Variants in HYAL4 observed in about 807,000 individuals in gnomAD.
HYAL4 encodes hyaluronidase 4, also known as hyaluronidase-4.
HYAL4 carries 37 observed loss-of-function variants against 35.2 expected under a neutral mutation model. That is an observed-to-expected ratio of 1.05 (90% CI 0.81 to 1.38). HYAL4 has a LOEUF of 1.38. HYAL4 is among the 40% of genes most tolerant of loss of function. HYAL4 has a pLI of 0.00. For missense variants in HYAL4, 572 were observed against 572.4 expected (o/e 1.00, Z 0.01); for synonymous variants, 198 against 203.2 (o/e 0.97, Z 0.22).
the HYAL4 span, among the ~76,000 whole-genome samples, chr7:123,812,654 TA>T: frequency 2.0e-5 from 3 of 152,308 alleles, no homozygotes; most frequent in African/African-American, 7.2e-5. Flanking sequence ...TATGACATTT[TA>T]AAAAGGTGTT....
chr7:123,770,104 C>G, the HYAL4 span, among the ~76,000 whole-genome samples: 1 of 151,884 alleles, frequency 6.6e-6, no homozygotes, highest in Non-Finnish European at 1.5e-5. Flanking sequence ...CTACATTGTT[C>G]ATTTCATCAT....
chr7:123,791,107 T>C, the HYAL4 span, among the ~76,000 whole-genome samples: 16 of 152,180 alleles, frequency 1.1e-4, no homozygotes, highest in South Asian at 4.1e-4. Context: ...AATTCTGCTA[T>C]ATATTCTGTT....
upstream of HYAL4, among the ~76,000 whole-genome samples, chr7:123,824,559 C>T (rs925371409): frequency 6.6e-6 from 1 of 152,086 alleles, no homozygotes; most frequent in Admixed American, 6.6e-5. Flanking sequence ...AAACCCCCTT[C>T]TCCCCACAAC....
the HYAL4 span, among the ~76,000 whole-genome samples, chr7:123,799,580 G>A: frequency 6.6e-6 from 1 of 151,626 alleles, no homozygotes; most frequent in South Asian, 2.1e-4. Context: ...CCTGAGGTCA[G>A]GAGTTCAAGA....
At chr7:123,809,009 A>G in the HYAL4 span, among the ~76,000 whole-genome samples, 1 of 152,182 alleles carries the variant, frequency 6.6e-6, no homozygotes, top group Non-Finnish European at 1.5e-5. Context: ...AGGGGACACA[A>G]ATATTCAGAC....
the HYAL4 span, among the ~76,000 whole-genome samples, chr7:123,820,882 G>A: frequency 2.6e-5 from 4 of 152,028 alleles, no homozygotes; most frequent in Admixed American, 1.3e-4. Context: ...TAGATACCTC[G>A]TAAGTAGAAT....
chr7:123,768,754 T>G, the HYAL4 span, among the ~76,000 whole-genome samples: 3 of 152,194 alleles, frequency 2.0e-5, no homozygotes, highest in African/African-American at 7.2e-5. Context: ...TCTCCCTGAA[T>G]TTTGAGTTTC....
At chr7:123,801,731 A>G in the HYAL4 span, among the ~76,000 whole-genome samples, 1 of 152,110 alleles carries the variant, frequency 6.6e-6, no homozygotes, top group African/African-American at 2.4e-5. Context: ...CAAAACTTCT[A>G]TTTTCAGTAT....
chr7:123,786,514 A>ATT, the HYAL4 span, among the ~76,000 whole-genome samples: 1 of 146,602 alleles, frequency 6.8e-6, no homozygotes, highest in African/African-American at 2.5e-5. Flanking sequence ...CATCAGCTTT[A>ATT]TTTTTTTTTT....
the HYAL4 span, among the ~76,000 whole-genome samples, chr7:123,778,685 C>A: frequency 6.6e-6 from 1 of 151,880 alleles, no homozygotes; most frequent in African/African-American, 2.4e-5. Flanking sequence ...TGATAGCTTC[C>A]CATTTTGGTG....
At chr7:123,851,474 C>A (rs200541814) in intron 2 of HYAL4, among the ~76,000 whole-genome samples, 1 of 152,006 alleles carries the variant, frequency 6.6e-6, no homozygotes, top group African/African-American at 2.4e-5. Flanking sequence ...CTCCCACTTA[C>A]GAGTGAGAAC....
the HYAL4 span, among the ~76,000 whole-genome samples, chr7:123,801,488 AAAGG>A: frequency 6.6e-6 from 1 of 152,188 alleles, no homozygotes; most frequent in Non-Finnish European, 1.5e-5. Flanking sequence ...TTCTCTCATG[AAAGG>A]ATGAAAAAGT....
chr7:123,792,590 C>A, the HYAL4 span, among the ~76,000 whole-genome samples: 1 of 152,026 alleles, frequency 6.6e-6, no homozygotes, highest in African/African-American at 2.4e-5. Flanking sequence ...TAGTAGAAGC[C>A]CCTCCTGTTA....
chr7:123,826,637 T>A (rs1358001942), upstream of HYAL4, among the ~76,000 whole-genome samples: 1 of 152,220 alleles, frequency 6.6e-6, no homozygotes, highest in Non-Finnish European at 1.5e-5. Context: ...TGGGAGGATA[T>A]TTTTAATCTG....
At chr7:123,797,711 T>C in the HYAL4 span, among the ~76,000 whole-genome samples, 38,605 of 152,106 alleles carry the variant, frequency 0.25, 5,217 homozygotes, top group Middle Eastern at 0.34. Context: ...CATGGCTCTT[T>C]GAAGATAATA....
At chr7:123,857,709 C>CTT (rs1806484577) in intron 2 of HYAL4, among the ~76,000 whole-genome samples, 4 of 150,962 alleles carry the variant, frequency 2.6e-5, no homozygotes, top group South Asian at 4.2e-4. Flanking sequence ...TTCTTTCTTT[C>CTT]TTTCTTTCTT....
upstream of HYAL4, among the ~76,000 whole-genome samples, chr7:123,840,120 G>T (rs1283766911): frequency 6.6e-6 from 1 of 152,108 alleles, no homozygotes. Context: ...TATGGCTTTA[G>T]GTCTAACATT....
chr7:123,786,301 A>G, the HYAL4 span, among the ~76,000 whole-genome samples: 3 of 152,344 alleles, frequency 2.0e-5, no homozygotes, highest in Non-Finnish European at 2.9e-5. Flanking sequence ...AGAGGTGTCA[A>G]ATCACTTGGT....
chr7:123,807,432 G>GTTTGTTTTTTT, the HYAL4 span, among the ~76,000 whole-genome samples: 105 of 120,750 alleles, frequency 8.7e-4, 2 homozygotes, highest in East Asian at 1.5e-3. Flanking sequence ...ACTTTTTATG[G>GTTTGTTTTTTT]TTTTTTTTTT....
Sources: gnomAD v4.1 joint callset for allele counts (sites outside exome capture counted in the v4.1 genomes callset) on GRCh38, gnomAD v4.1.1 for gene constraint, MANE v1.5 for transcripts, NCBI Gene and HGNC (gene_info 2026-07-23, HGNC 2026-07-21) for gene names.